RBM4: variants seen among roughly 807,000 people sequenced by gnomAD.
RBM4 encodes the protein RNA binding motif protein 4, also known as RNA-binding protein 4.
A neutral mutation model predicts 29.5 loss-of-function variants in RBM4; 7 were observed. That is an observed-to-expected ratio of 0.24 (90% confidence interval 0.14 to 0.45). The LOEUF is 0.45. Among genes scored for constraint, RBM4 ranks in the 20% least tolerant of loss-of-function variants. The probability of loss-of-function intolerance (pLI) is 1.00; values close to 1 mark genes in which losing one functional copy is unlikely to be tolerated. For synonymous variants in RBM4, 220 were observed against 205.4 expected, an observed-to-expected ratio of 1.07 and a Z score of -0.61; for missense variants, 387 against 502.3, an observed-to-expected ratio of 0.77 and a Z score of 2.19.
At chr11:66,656,806 G>A (rs1938959474) in intron 2 of RBM4, among the ~76,000 whole-genome samples, 1 of 152,022 alleles carries the variant, frequency 6.6e-6, no homozygotes, top group Non-Finnish European at 1.5e-5. Context: ...GATTATAGAT[G>A]CATGCCACCA....
intron 2 of RBM4, among the ~76,000 whole-genome samples, chr11:66,657,608 G>A (rs949462291): frequency 7.4e-5 from 11 of 149,638 alleles, no homozygotes; most frequent in African/African-American, 2.0e-4. Flanking sequence ...ACTTGAACCC[G>A]GGAGGTGGAG....
At chr11:66,644,923 TA>T (rs1938626528) in intron 3 of RBM4, among the ~76,000 whole-genome samples, 1 of 151,714 alleles carries the variant, frequency 6.6e-6, no homozygotes, top group Admixed American at 6.6e-5. Flanking sequence ...GTCACTTACT[TA>T]GGGTTTTTTT....
At position 66,646,379 on chromosome 11, in the gene RBM4, G is replaced by T; in HGVS notation, c.*361G>T. On this transcript the variant is annotated 3_prime_UTR_variant, in exon 4 of 4. Transcript: ENST00000310092. The stretch of plus-strand genomic sequence containing the variant: ...GAATGACCTTGGTGAGAGTCTCACT[G>T]CTCCAGGGTCTCTTTTTGGTCCAAA... The T allele has an allele frequency of 8.6e-7, 1 of 1,163,850 alleles. No individual in the cohort carries two copies. The highest frequency in any genetic ancestry group is 4.4e-5 in the East Asian group (1 of 22,776). The allele number at this position is 1,163,850 out of a possible 1,614,324, so 72.1% of individuals were successfully genotyped here.
At chr11:66,644,258 A>C (rs1938593084) in intron 3 of RBM4, 118 bp downstream of exon 3, 14 of 1,374,054 alleles carry the variant, frequency 1.0e-5, no homozygotes, top group African/African-American at 1.5e-5. Flanking sequence ...GAAGGTTACT[A>C]GGATGGCTCA....
chr11:66,649,737 C>T (rs540447959), downstream of RBM4: 22 of 701,792 alleles, frequency 3.1e-5, no homozygotes, highest in East Asian at 5.6e-4. Context: ...GTTTTTTAGA[C>T]ATCCAGCTCT....
chr11:66,650,289 C>A (rs1307077893), downstream of RBM4, among the ~76,000 whole-genome samples: 1 of 152,204 alleles, frequency 6.6e-6, no homozygotes, highest in Non-Finnish European at 1.5e-5. Flanking sequence ...AGTTTTCCAG[C>A]CAGGCGTGGT....
intron 2 of RBM4, among the ~76,000 whole-genome samples, chr11:66,656,916 G>A (rs966888487): frequency 3.3e-5 from 5 of 151,402 alleles, no homozygotes; most frequent in East Asian, 2.0e-4. Flanking sequence ...CACCTTGGCC[G>A]CCCAAAGTGC....
In RBM4 at chr11:66,645,213, A is replaced by C. The variant is rs980834184; in HGVS notation, c.*9-814A>C. ...CCCATGATCCATTTGGCTCTCCTTG[A>C]ATATATTCTCTTCTGATACTTGCCA... On this transcript the variant is annotated intron_variant, in intron 3 of 3. Coordinates refer to ENST00000310092, the MANE Select transcript of RBM4 (RefSeq NM_002896.4). 3.3e-5 allele frequency among the ~76,000 whole-genome samples: 5 copies of C among 152,046 alleles called. No homozygotes were observed. In the East Asian group the frequency reaches 9.6e-4, roughly 29 times the overall value.
intron 2 of RBM4, among the ~76,000 whole-genome samples, chr11:66,642,386 A>G (rs1170869305): frequency 6.6e-6 from 1 of 152,212 alleles, no homozygotes; most frequent in African/African-American, 2.4e-5. Context: ...GCTTACCAGT[A>G]AGCTGGTAGA....
chr11:66,665,263 G>T (rs762063147), intron 2 of RBM4: 7 of 369,288 alleles, frequency 1.9e-5, no homozygotes, highest in Non-Finnish European at 3.5e-5. Context: ...GGTAGGCAGG[G>T]AGAAGGATTC....
At chr11:66,644,318 C>T (rs1195852939) in intron 3 of RBM4, 178 bp downstream of exon 3, 4 of 873,324 alleles carry the variant, frequency 4.6e-6, no homozygotes, top group Non-Finnish European at 6.7e-6. Flanking sequence ...CATAGAGTTC[C>T]TTGGCCCTCA....
intron 2 of RBM4, among the ~76,000 whole-genome samples, chr11:66,664,171 GTTTTTTTTTTT>G (rs767344100): frequency 8.8e-6 from 1 of 113,562 alleles, no homozygotes; most frequent in African/African-American, 3.2e-5. Flanking sequence ...ATGCCCAGCT[GTTTTTTTTTTT>G]TTTTTTTTTT....
At chr11:66,649,900 A>G, downstream of RBM4, 1 of 561,914 alleles carries the variant, frequency 1.8e-6, no homozygotes, top group Non-Finnish European at 3.2e-6. Flanking sequence ...TTTCAAGAGT[A>G]ATGCTTTAAT....
intron 3 of RBM4, among the ~76,000 whole-genome samples, chr11:66,645,552 C>T (rs543407528): frequency 1.3e-5 from 2 of 152,274 alleles, no homozygotes; most frequent in South Asian, 4.1e-4. Flanking sequence ...GGTCTTAAAA[C>T]TTGTGCAGTT....
At chr11:66,649,620 T>C, downstream of RBM4, 1 of 613,214 alleles carries the variant, frequency 1.6e-6, no homozygotes, top group East Asian at 2.8e-5. Flanking sequence ...TTTTTATGCT[T>C]CCAATCAAGT....
chr11:66,653,279 CCCT>C (rs1938871250), intron 2 of RBM4, among the ~76,000 whole-genome samples: 1 of 152,044 alleles, frequency 6.6e-6, no homozygotes, highest in African/African-American at 2.4e-5. Context: ...CCAGACCAAC[CCCT>C]CCTCCTACTT....
intron 2 of RBM4, among the ~76,000 whole-genome samples, chr11:66,662,705 G>A (rs1307138508): frequency 6.6e-6 from 1 of 152,156 alleles, no homozygotes; most frequent in Non-Finnish European, 1.5e-5. Context: ...CCTGGTATAT[G>A]TTAAACTTCC....
chr11:66,658,701 C>T (rs1185742494), intron 2 of RBM4, among the ~76,000 whole-genome samples: 1 of 151,946 alleles, frequency 6.6e-6, no homozygotes, highest in African/African-American at 2.4e-5. Context: ...CTTTGGGAGG[C>T]CAAGGTGGGC....
intron 2 of RBM4, among the ~76,000 whole-genome samples, chr11:66,663,702 A>ATG (rs66797662): frequency 0.44 from 64,622 of 148,348 alleles, 14,988 homozygotes; most frequent in South Asian, 0.6. Flanking sequence ...GTGTGTGTAT[A>ATG]TGTGTGTGTG....
Sources: allele counts gnomAD v4.1 joint callset (sites outside exome capture counted in the v4.1 genomes callset), GRCh38; gene constraint gnomAD v4.1.1; transcripts MANE v1.5; gene names NCBI Gene and HGNC (gene_info 2026-07-23, HGNC 2026-07-21).